The following BAIAP2L1 variants were observed in gnomAD, a reference collection of about 807,000 sequenced individuals.
BAIAP2L1 encodes the protein BAR/IMD domain containing adaptor protein 2 like 1.
BAIAP2L1 carries 35 observed loss-of-function variants against 66.3 expected under a neutral mutation model. That is an observed-to-expected ratio of 0.53 (90% CI 0.40 to 0.70). The LOEUF is 0.70. Ranked by LOEUF, BAIAP2L1 falls within the 30% of genes least tolerant of loss-of-function variation. The pLI, the probability that BAIAP2L1 is intolerant of heterozygous loss-of-function variation, is 0.00. For synonymous variants in BAIAP2L1, 269 were observed against 248.7 expected (o/e 1.08, Z -0.77); for missense variants, 622 against 656.9 (o/e 0.95, Z 0.58).
At chr7:98,347,959 G>A (rs1263176262) in intron 3 of BAIAP2L1, among the ~76,000 whole-genome samples, 2 of 151,970 alleles carry the variant, frequency 1.3e-5, no homozygotes, top group Non-Finnish European at 2.9e-5. Context: ...GACATAGGGA[G>A]GGGAACATCA....
At chr7:98,342,041 A>ATTT (rs142061599) in intron 3 of BAIAP2L1, among the ~76,000 whole-genome samples, 38 of 95,072 alleles carry the variant, frequency 4.0e-4, no homozygotes, top group East Asian at 6.7e-4. Context: ...TTTTTTTCTG[A>ATTT]TTTTTTTTTT....
chr7:98,382,783 C>G (rs1802789352), intron 1 of BAIAP2L1, among the ~76,000 whole-genome samples: 1 of 152,100 alleles, frequency 6.6e-6, no homozygotes, highest in Admixed American at 6.6e-5. Flanking sequence ...GAACCCTGCC[C>G]CAGAATTCAA....
At chr7:98,386,792 A>G (rs1053610645) in intron 1 of BAIAP2L1, among the ~76,000 whole-genome samples, 3 of 134,608 alleles carry the variant, frequency 2.2e-5, no homozygotes, top group African/African-American at 8.3e-5. Flanking sequence ...CTCTGCCTCC[A>G]GGTTTCAAGT....
chr7:98,298,171 G>A (rs965383063), intron 12 of BAIAP2L1, among the ~76,000 whole-genome samples: 5 of 152,238 alleles, frequency 3.3e-5, no homozygotes, highest in Non-Finnish European at 5.9e-5. Context: ...CTCTCAGATC[G>A]TCTAATAAGA....
At chr7:98,398,336 G>A (rs1468834698) in intron 1 of BAIAP2L1, among the ~76,000 whole-genome samples, 1 of 152,092 alleles carries the variant, frequency 6.6e-6, no homozygotes, top group African/African-American at 2.4e-5. Context: ...ATACAGGGGC[G>A]GGAAAAGGTT....
At chr7:98,338,427 A>G (rs953588071) in intron 3 of BAIAP2L1, among the ~76,000 whole-genome samples, 1 of 151,800 alleles carries the variant, frequency 6.6e-6, no homozygotes, top group African/African-American at 2.4e-5. Context: ...GTCTTAAAAA[A>G]AAAAAAAAAA....
intron 1 of BAIAP2L1, 109 bp downstream of exon 1, chr7:98,400,693 G>A (rs778899131): frequency 1.2e-5 from 15 of 1,275,378 alleles, no homozygotes; most frequent in Admixed American, 2.0e-5. Flanking sequence ...GTGGAAGGAC[G>A]CGGGGGAGGG....
intron 10 of BAIAP2L1, chr7:98,306,809 G>T: frequency 2.5e-6 from 1 of 397,604 alleles, no homozygotes; most frequent in Non-Finnish European, 4.6e-6. Flanking sequence ...ATGGGCTCAA[G>T]CAATCCCCCT....
rs531115216 is a variant in BAIAP2L1, at chr7:98,313,228, G to A, written c.640-964C>T. Reference sequence around the variant, plus strand: ...TGCTTCATCCCAACTCCACAGAAAGGACTGAGGCGCTTTAGCTGAATTAAG... The same window carrying A: ...TGCTTCATCCCAACTCCACAGAAAGAACTGAGGCGCTTTAGCTGAATTAAG... On this transcript the variant is annotated intron_variant, in intron 7 of 13. Transcript: ENST00000005260. Among the ~76,000 whole-genome samples, 10 of 151,996 alleles carry A rather than the reference G, an allele frequency of 6.6e-5. No homozygotes were observed. The South Asian group carries it at 2.1e-3, about 32-fold the overall frequency.
intron 1 of BAIAP2L1, among the ~76,000 whole-genome samples, chr7:98,375,742 CAAAAAAAA>C (rs372282399): frequency 3.4e-5 from 2 of 59,086 alleles, no homozygotes; most frequent in African/African-American, 7.2e-5. Context: ...AAGTCCATCT[CAAAAAAAA>C]AAAAAAAAAA....
chr7:98,357,442 T>C (rs1379037316), intron 2 of BAIAP2L1, among the ~76,000 whole-genome samples: 1 of 150,852 alleles, frequency 6.6e-6, no homozygotes, highest in Non-Finnish European at 1.5e-5. Context: ...TGGCACATGC[T>C]TGTAATCCCA....
intron 7 of BAIAP2L1, among the ~76,000 whole-genome samples, 158 bp from the exon 8 acceptor site, chr7:98,312,422 G>GAT (rs1471760604): frequency 6.6e-6 from 1 of 152,224 alleles, no homozygotes. Context: ...GCACCTAGAG[G>GAT]ATCAGCTGTG....
chr7:98,394,517 GTTTAC>G (rs145473793), intron 1 of BAIAP2L1, among the ~76,000 whole-genome samples: 1,703 of 152,134 alleles, frequency 0.011, 29 homozygotes, highest in African/African-American at 0.034. Context: ...TTTTGTTTGT[GTTTAC>G]TTTAAAATTT....
intron 2 of BAIAP2L1, among the ~76,000 whole-genome samples, chr7:98,356,784 C>G (rs896937412): frequency 5.4e-5 from 8 of 148,978 alleles, no homozygotes; most frequent in African/African-American, 2.0e-4. Flanking sequence ...TGAGACCAGC[C>G]TGGGCAACAT....
chr7:98,371,611 T>G (rs990126105), intron 1 of BAIAP2L1, among the ~76,000 whole-genome samples: 8 of 152,230 alleles, frequency 5.3e-5, no homozygotes, highest in African/African-American at 1.9e-4. Context: ...TGATGCAATC[T>G]TATGACGGTT....
At chr7:98,343,433 A>G (rs903810037) in intron 3 of BAIAP2L1, among the ~76,000 whole-genome samples, 1 of 152,190 alleles carries the variant, frequency 6.6e-6, no homozygotes, top group East Asian at 1.9e-4. Flanking sequence ...CCTGGGCAAC[A>G]GAGCCAGACT....
Position 98,304,282 on chromosome 7 carries a change from C to G in BAIAP2L1, c.1336G>C (p.Gly446Arg). Residue 446 changes from glycine (G) to arginine (R), a missense_variant, in exon 12 of 14, where the codon GGG becomes CGG. Gly to Arg is a moderately radical substitution (Grantham distance 125). Transcript: ENST00000005260. ...TCTGCTCTCCTGTCGGCAGCTGCCC[C>G]CATGGACAAGCATTCCAAGTAGTCG... The part of the protein sequence containing the change: ...PPDYLECLSM[G>R]AAADRRADSA... 6.2e-7 allele frequency: 1 copy of G among 1,613,604 alleles called. No homozygotes were observed. Among genetic ancestry groups the G allele is most frequent in the Non-Finnish European group, 8.5e-7 (1 of 1,179,746 alleles).
chr7:98,398,373 CT>C (rs1370240540), intron 1 of BAIAP2L1, among the ~76,000 whole-genome samples: 1 of 152,056 alleles, frequency 6.6e-6, no homozygotes, highest in Non-Finnish European at 1.5e-5. Flanking sequence ...TAAAATTTCA[CT>C]TTGCACTGCC....
chr7:98,398,086 CAAA>C (rs529128394), intron 1 of BAIAP2L1, among the ~76,000 whole-genome samples: 429 of 152,088 alleles, frequency 2.8e-3, no homozygotes, highest in Non-Finnish European at 4.1e-3. Flanking sequence ...TATTTAAAAA[CAAA>C]AAACTAAAAC....
Sources: gnomAD v4.1 joint callset for allele counts (sites outside exome capture counted in the v4.1 genomes callset) on GRCh38, gnomAD v4.1.1 for gene constraint, MANE v1.5 for transcripts, NCBI Gene and HGNC (gene_info 2026-07-23, HGNC 2026-07-21) for gene names.